The following ALG9 variants were observed in gnomAD, a reference collection of about 807,000 sequenced individuals.
ALG9 encodes the protein ALG9 alpha-1,2-mannosyltransferase.
In ALG9, 55 loss-of-function variants were observed where a neutral mutation model predicts 81.8. That is an observed-to-expected ratio of 0.67 (90% CI 0.54 to 0.84). The LOEUF (loss-of-function observed/expected upper bound fraction) is 0.84. ALG9 is among the 40% of genes least tolerant of loss of function. ALG9 has a pLI of 0.00. For synonymous variants in ALG9, 278 were observed against 274.3 expected (o/e 1.01, Z -0.13); for missense variants, 629 against 745.0 (o/e 0.84, Z 1.81).
intron 8 of ALG9, among the ~76,000 whole-genome samples, chr11:111,851,028 G>T (rs1555137542): frequency 2.0e-5 from 3 of 152,282 alleles, no homozygotes; most frequent in South Asian, 4.1e-4. Flanking sequence ...AACAGCAAAT[G>T]CCAATATCCC....
chr11:111,798,593 GA>G (rs199962278), intron 14 of ALG9, among the ~76,000 whole-genome samples: 6 of 151,260 alleles, frequency 4.0e-5, no homozygotes, highest in South Asian at 2.1e-4. Flanking sequence ...ATGCTTCAAA[GA>G]AAAAAAAATC....
intron 14 of ALG9, among the ~76,000 whole-genome samples, chr11:111,803,237 C>T (rs1218535547): frequency 6.6e-6 from 1 of 152,120 alleles, no homozygotes; most frequent in African/African-American, 2.4e-5. Flanking sequence ...TGCAGTAGCT[C>T]ATGCCTGTAA....
intron 8 of ALG9, among the ~76,000 whole-genome samples, chr11:111,847,072 G>C (rs1475527392): frequency 1.3e-5 from 2 of 152,044 alleles, no homozygotes; most frequent in Non-Finnish European, 2.9e-5. Flanking sequence ...TTGAATGAAG[G>C]AGAACTACTT....
intron 8 of ALG9, 80 bp from the exon 9 acceptor site, chr11:111,844,803 GT>G: frequency 6.8e-7 from 1 of 1,480,310 alleles, no homozygotes; most frequent in Admixed American, 1.7e-5. Flanking sequence ...AATGTTCTTT[GT>G]TGGAATAACA....
rs965446855 is a variant in ALG9 at position 111,868,831 on chromosome 11, C to T, written c.271-95G>A. The T allele has an allele frequency of 5.2e-6, 7 of 1,345,998 alleles. No individual in the cohort carries two copies. In the African/African-American group the frequency reaches 1.0e-4, roughly 20 times the overall value. 83.4% of individuals were successfully genotyped at this position (1,345,998 alleles called of 1,614,324 possible). On this transcript the variant is annotated intron_variant, in intron 2 of 14. Transcript: ENST00000616540. ...AGTTTCTGAGCAGAAATATTAAAAA[C>T]AAAGGCAAGCCAGGCACGATGCCTC...
intron 14 of ALG9, chr11:111,805,303 C>T: frequency 2.2e-6 from 1 of 456,258 alleles, no homozygotes; most frequent in Non-Finnish European, 4.4e-6. Context: ...TCTTGGTCTT[C>T]CAGCCTTCAA....
At chr11:111,858,256 T>C (rs1959030155) in intron 5 of ALG9, among the ~76,000 whole-genome samples, 1 of 151,932 alleles carries the variant, frequency 6.6e-6, no homozygotes, top group Non-Finnish European at 1.5e-5. Context: ...TTTTTTTAGG[T>C]ACCAACCCAA....
downstream of ALG9, among the ~76,000 whole-genome samples, chr11:111,780,504 C>G (rs1380114836): frequency 4.0e-5 from 6 of 151,650 alleles, no homozygotes; most frequent in Non-Finnish European, 8.8e-5. Context: ...TCAAGCGATT[C>G]TCATGTCTCA....
intron 3 of ALG9, among the ~76,000 whole-genome samples, chr11:111,867,002 G>A (rs1244649813): frequency 6.6e-6 from 1 of 152,200 alleles, no homozygotes; most frequent in Non-Finnish European, 1.5e-5. Context: ...GGCTGAGGCA[G>A]GAGAATCACT....
chr11:111,859,650 G>A (rs190778963), intron 5 of ALG9, among the ~76,000 whole-genome samples: 1 of 152,118 alleles, frequency 6.6e-6, no homozygotes, highest in African/African-American at 2.4e-5. Context: ...GAGGACAAAG[G>A]GGGCAGAGGA....
intron 14 of ALG9, among the ~76,000 whole-genome samples, chr11:111,794,223 G>C (rs893061156): frequency 1.3e-5 from 2 of 152,176 alleles, no homozygotes; most frequent in African/African-American, 4.8e-5. Context: ...CAGTTCAGCA[G>C]GCACAAATGG....
chr11:111,811,271 G>A (rs917609216), intron 13 of ALG9, among the ~76,000 whole-genome samples: 16 of 152,104 alleles, frequency 1.1e-4, no homozygotes, highest in Non-Finnish European at 1.6e-4. Context: ...GGCTGGGCAC[G>A]GTGGCTCACG....
At chr11:111,832,354 G>A (rs1313273223) in intron 13 of ALG9, among the ~76,000 whole-genome samples, 5 of 152,082 alleles carry the variant, frequency 3.3e-5, no homozygotes, top group African/African-American at 1.2e-4. Context: ...GTAGCTCACT[G>A]TAGCCTCAAA....
At chr11:111,848,147 G>C (rs1439914021) in intron 8 of ALG9, among the ~76,000 whole-genome samples, 1 of 151,948 alleles carries the variant, frequency 6.6e-6, no homozygotes, top group Non-Finnish European at 1.5e-5. Flanking sequence ...TCTTCATCCA[G>C]GAATACAAAT....
chr11:111,855,007 T>C (rs1195933806), intron 6 of ALG9, among the ~76,000 whole-genome samples: 1 of 152,170 alleles, frequency 6.6e-6, no homozygotes, highest in Non-Finnish European at 1.5e-5. Context: ...AAATTCAATG[T>C]AGATGAAATA....
chr11:111,801,623 C>A (rs1185406438), intron 14 of ALG9, among the ~76,000 whole-genome samples: 1 of 152,170 alleles, frequency 6.6e-6, no homozygotes, highest in African/African-American at 2.4e-5. Context: ...GTATGAACAG[C>A]AAGTGGCCAG....
chr11:111,836,204 A>C lies in ALG9; in HGVS notation c.1563T>G (p.Thr521=). 6.2e-7 allele frequency: 1 copy of C among 1,614,044 alleles called. No individual in the cohort carries two copies. Among genetic ancestry groups the C allele is most frequent in the Non-Finnish European group, 8.5e-7 (1 of 1,179,918 alleles). Residue 521 remains threonine, a synonymous_variant, in exon 13 of 15, where the codon ACT becomes ACG. Transcript: ENST00000616540. ...EGPLATRIVP[T]DMNDQNLEEP... ...CTTCTAGATTCTGGTCATTCATGTC[A>C]GTAGGAACAATCCGGGTGGCCAGAG...
At chr11:111,794,669 T>TCC (rs1947967537) in intron 14 of ALG9, among the ~76,000 whole-genome samples, 1 of 151,952 alleles carries the variant, frequency 6.6e-6, no homozygotes, top group Non-Finnish European at 1.5e-5. Flanking sequence ...CCTATCTATC[T>TCC]ATCCATCCAT....
chr11:111,841,373 C>T (rs1482562570), intron 9 of ALG9, among the ~76,000 whole-genome samples: 1 of 152,160 alleles, frequency 6.6e-6, no homozygotes, highest in Non-Finnish European at 1.5e-5. Context: ...CATAAAAATG[C>T]TCTTAAAGGA....
Sources: allele counts gnomAD v4.1 joint callset (sites outside exome capture counted in the v4.1 genomes callset), GRCh38; gene constraint gnomAD v4.1.1; transcripts MANE v1.5; gene names NCBI Gene and HGNC (gene_info 2026-07-23, HGNC 2026-07-21).